Variants in NEDD4L observed in about 807,000 individuals in gnomAD.
NEDD4L encodes E3 ubiquitin-protein ligase NEDD4-like.
In NEDD4L, 54 loss-of-function variants were observed where a neutral mutation model predicts 148.9. That is an observed-to-expected ratio of 0.36 (90% CI 0.29 to 0.45). NEDD4L has a LOEUF of 0.45. Among genes scored for constraint, NEDD4L ranks in the 20% least tolerant of loss-of-function variants. The pLI is 1.00. For missense variants in NEDD4L, 856 were observed against 1,233.8 expected (o/e 0.69, Z 4.59); for synonymous variants, 433 against 440.7 (o/e 0.98, Z 0.22).
intron 11 of NEDD4L, among the ~76,000 whole-genome samples, chr18:58,332,350 G>A (rs538906908): frequency 6.6e-6 from 1 of 152,302 alleles, no homozygotes; most frequent in South Asian, 2.1e-4. Flanking sequence ...TATTCAAGGG[G>A]AAGAACATGA....
intron 1 of NEDD4L, among the ~76,000 whole-genome samples, chr18:58,107,400 G>C (rs1237194093): frequency 6.6e-6 from 1 of 151,740 alleles, no homozygotes; most frequent in South Asian, 2.1e-4. Context: ...ATGGAGGCAG[G>C]TGCTTGGTCT....
chr18:58,360,186 C>A (rs2045281453), intron 19 of NEDD4L: 2 of 152,152 alleles, frequency 1.3e-5, no homozygotes, highest in African/African-American at 4.8e-5. Context: ...GTGTGGAGTT[C>A]TCTTCATTTA....
chr18:58,062,561 TC>T lies in NEDD4L; in HGVS notation c.48+17854del, dbSNP rs375773672. Among the ~76,000 whole-genome samples the T allele has an allele frequency of 1.8e-4, 27 of 152,300 alleles. 1 individual carries two copies. The highest frequency in any genetic ancestry group is 6.5e-4 in the African/African-American group (27 of 41,566). On this transcript the variant is annotated intron_variant, in intron 1 of 30. Transcript: ENST00000400345. ...AAAACTTAGCTGTTTGTTGCTGTCA[TC>T]TAAATGTAGTTGGTAGCCAGCCTAG...
intron 6 of NEDD4L, among the ~76,000 whole-genome samples, chr18:58,320,144 C>G (rs1486160117): frequency 6.6e-6 from 1 of 152,170 alleles, no homozygotes; most frequent in Non-Finnish European, 1.5e-5. Context: ...GTGGTTTTCC[C>G]TCTTCACTCT....
At chr18:58,286,796 T>C (rs1466706139) in intron 5 of NEDD4L, among the ~76,000 whole-genome samples, 1 of 152,192 alleles carries the variant, frequency 6.6e-6, no homozygotes, top group Non-Finnish European at 1.5e-5. Flanking sequence ...ATGCTAGATG[T>C]TGGGACCACA....
At chr18:58,060,391 G>A (rs1258965676) in intron 1 of NEDD4L, among the ~76,000 whole-genome samples, 1 of 152,158 alleles carries the variant, frequency 6.6e-6, no homozygotes, top group Non-Finnish European at 1.5e-5. Context: ...TGGGATTACA[G>A]GTGCAAGTCG....
At chr18:58,146,599 C>G (rs1240499103) in intron 1 of NEDD4L, among the ~76,000 whole-genome samples, 1 of 152,192 alleles carries the variant, frequency 6.6e-6, no homozygotes, top group Non-Finnish European at 1.5e-5. Flanking sequence ...GCCGGAGAAC[C>G]TGTAGCCTCC....
intron 5 of NEDD4L, among the ~76,000 whole-genome samples, chr18:58,286,439 T>C (rs1417035956): frequency 6.6e-6 from 1 of 152,230 alleles, no homozygotes; most frequent in Admixed American, 6.5e-5. Flanking sequence ...ACTGCCATGT[T>C]CTTTTCAATT....
At chr18:58,207,626 T>G (rs1290724098) in intron 2 of NEDD4L, among the ~76,000 whole-genome samples, 1 of 152,174 alleles carries the variant, frequency 6.6e-6, no homozygotes, top group Non-Finnish European at 1.5e-5. Context: ...TTTCTATGAC[T>G]TAGTAGCGGC....
At chr18:58,306,245 G>T (rs1379204426) in intron 5 of NEDD4L, among the ~76,000 whole-genome samples, 1 of 151,682 alleles carries the variant, frequency 6.6e-6, no homozygotes, top group East Asian at 1.9e-4. Context: ...AGCTGTGCAT[G>T]CTCCAGTTTG....
intron 14 of NEDD4L, 34 bp downstream of exon 14, chr18:58,341,203 G>A (rs1359630195): frequency 6.2e-7 from 1 of 1,605,420 alleles, no homozygotes. Flanking sequence ...AAAACCGCAG[G>A]CCATAGAAGC....
chr18:58,271,722 C>T (rs1021831924), intron 5 of NEDD4L, among the ~76,000 whole-genome samples: 4 of 152,250 alleles, frequency 2.6e-5, no homozygotes, highest in Middle Eastern at 3.4e-3. Context: ...ATGTACCAGT[C>T]GTATATTTTA....
chr18:58,338,462 A>G (rs2042037427), intron 13 of NEDD4L, among the ~76,000 whole-genome samples: 2 of 152,260 alleles, frequency 1.3e-5, no homozygotes, highest in African/African-American at 2.4e-5. Context: ...GTAAAGAAAC[A>G]TTTCCAAATT....
At chr18:58,243,079 A>G (rs969150361) in intron 2 of NEDD4L, among the ~76,000 whole-genome samples, 1 of 152,264 alleles carries the variant, frequency 6.6e-6, no homozygotes, top group Non-Finnish European at 1.5e-5. Flanking sequence ...GAGCTATTCA[A>G]GGGATACAGA....
intron 5 of NEDD4L, among the ~76,000 whole-genome samples, chr18:58,276,194 G>GTTTTTTTTTTTTT (rs1200942500): frequency 1.7e-5 from 1 of 57,518 alleles, no homozygotes; most frequent in African/African-American, 7.9e-5. Context: ...TTTCTTTTTC[G>GTTTTTTTTTTTTT]TTTTTTTTTT....
intron 1 of NEDD4L, among the ~76,000 whole-genome samples, chr18:58,113,869 A>G (rs2085578810): frequency 6.6e-6 from 1 of 151,962 alleles, no homozygotes; most frequent in Admixed American, 6.6e-5. Flanking sequence ...CAAGTTATGA[A>G]CTGAGACTGG....
intron 2 of NEDD4L, among the ~76,000 whole-genome samples, chr18:58,218,639 A>G (rs1321259015): frequency 1.3e-5 from 2 of 152,186 alleles, no homozygotes; most frequent in Admixed American, 6.5e-5. Flanking sequence ...ATCTGTCTTA[A>G]GACGCCAGCA....
At chr18:58,200,301 GT>G (rs1168767483) in intron 2 of NEDD4L, among the ~76,000 whole-genome samples, 3 of 152,212 alleles carry the variant, frequency 2.0e-5, no homozygotes, top group Non-Finnish European at 4.4e-5. Context: ...GGTTTAAAAA[GT>G]TACATTAACA....
intron 1 of NEDD4L, among the ~76,000 whole-genome samples, chr18:58,059,751 A>G (rs1368188052): frequency 2.0e-5 from 3 of 152,196 alleles, no homozygotes; most frequent in African/African-American, 4.8e-5. Flanking sequence ...CAAAATTGCC[A>G]AGACAGTAGA....
Sources: allele counts gnomAD v4.1 joint callset (sites outside exome capture counted in the v4.1 genomes callset), GRCh38; gene constraint gnomAD v4.1.1; transcripts MANE v1.5; gene names NCBI Gene and HGNC (gene_info 2026-07-23, HGNC 2026-07-21).